Variants in FAR2 observed in about 807,000 individuals in gnomAD.
FAR2 encodes epididymis secretory protein Li 81.
A neutral mutation model predicts 56.0 loss-of-function variants in FAR2; 19 were observed. The ratio of observed to expected loss-of-function variants is 0.34; its 90% CI spans 0.24 to 0.50. FAR2 has a LOEUF of 0.50. Ranked by LOEUF, FAR2 falls within the 20% of genes least tolerant of loss-of-function variation. The pLI, the probability that FAR2 is intolerant of heterozygous loss-of-function variation, is 0.98. For synonymous variants in FAR2, 219 were observed against 218.8 expected (o/e 1.00, Z -0.01); for missense variants, 508 against 642.2 (o/e 0.79, Z 2.26).
intron 1 of FAR2, among the ~76,000 whole-genome samples, chr12:29,172,499 C>T (rs1949897619): frequency 6.6e-6 from 1 of 152,184 alleles, no homozygotes; most frequent in Admixed American, 6.5e-5. Flanking sequence ...TGTCTGAGGG[C>T]CATGACTAAG....
intron 7 of FAR2, 85 bp from the exon 8 acceptor site, chr12:29,311,798 T>C (rs1206628431): frequency 2.1e-6 from 2 of 970,558 alleles, no homozygotes; most frequent in Admixed American, 5.1e-5. Context: ...CTGAAACCAC[T>C]CTGTCTAAAT....
chr12:29,177,856 T>C (rs551738979), intron 1 of FAR2, among the ~76,000 whole-genome samples: 5 of 151,678 alleles, frequency 3.3e-5, no homozygotes, highest in African/African-American at 1.2e-4. Flanking sequence ...ACAAAAAACA[T>C]ACAACAACAA....
intron 1 of FAR2, among the ~76,000 whole-genome samples, chr12:29,169,646 C>T (rs956392705): frequency 6.6e-6 from 1 of 152,222 alleles, no homozygotes; most frequent in African/African-American, 2.4e-5. Flanking sequence ...TAAGAAGGTG[C>T]AGAGTCCTCC....
intron 1 of FAR2, among the ~76,000 whole-genome samples, chr12:29,220,998 C>T (rs1002268952): frequency 6.6e-6 from 1 of 152,036 alleles, no homozygotes; most frequent in Admixed American, 6.6e-5. Flanking sequence ...GGGCTGCCAG[C>T]GCTTGGGAGG....
chr12:29,226,881 A>G (rs769868771), intron 1 of FAR2, among the ~76,000 whole-genome samples: 19 of 152,204 alleles, frequency 1.2e-4, no homozygotes, highest in Middle Eastern at 3.2e-3. Flanking sequence ...TCACCACTGA[A>G]TTCTTTTAGA....
chr12:29,200,554 G>A (rs1280655340), intron 1 of FAR2, among the ~76,000 whole-genome samples: 1 of 152,172 alleles, frequency 6.6e-6, no homozygotes, highest in East Asian at 1.9e-4. Flanking sequence ...GTTCAATCAG[G>A]CTGGTGGGAA....
At chr12:29,283,609 T>C (rs1948821668) in intron 2 of FAR2, among the ~76,000 whole-genome samples, 1 of 152,024 alleles carries the variant, frequency 6.6e-6, no homozygotes, top group Admixed American at 6.5e-5. Flanking sequence ...TTTGACTTAT[T>C]TTTATTAGAA....
In FAR2 at chr12:29,212,217, A is replaced by T. The variant is rs189416853; in HGVS notation, c.-38-58195A>T. ...AGACAACTTAAAGCAAATACTTAAA[A>T]ATCTGGCTTCCACTTCTACCTCTGC... On this transcript the variant is annotated intron_variant, in intron 1 of 11. Coordinates refer to ENST00000536681, the MANE Select transcript of FAR2 (RefSeq NM_001271783.2). 7.2e-4 allele frequency among the ~76,000 whole-genome samples: 110 copies of T among 152,266 alleles called. No individual in the cohort carries two copies. In the South Asian group the frequency reaches 0.016, roughly 22 times the overall value.
chr12:29,267,997 C>A (rs1948546657), intron 1 of FAR2, among the ~76,000 whole-genome samples: 1 of 152,202 alleles, frequency 6.6e-6, no homozygotes, highest in Non-Finnish European at 1.5e-5. Context: ...AGCATAGAGT[C>A]TGGAATGGTA....
chr12:29,239,329 C>A (rs1304825935), intron 1 of FAR2, among the ~76,000 whole-genome samples: 1 of 152,070 alleles, frequency 6.6e-6, no homozygotes, highest in Non-Finnish European at 1.5e-5. Flanking sequence ...AGAGAACTGG[C>A]ATGAGAAAGG....
chr12:29,226,537 A>G (rs1030642945), intron 1 of FAR2, among the ~76,000 whole-genome samples: 1 of 152,224 alleles, frequency 6.6e-6, no homozygotes, highest in African/African-American at 2.4e-5. Context: ...AGTTTCTTTC[A>G]AACTATGGGA....
intron 1 of FAR2, among the ~76,000 whole-genome samples, chr12:29,205,658 C>T (rs1664079326): frequency 6.6e-6 from 1 of 152,104 alleles, no homozygotes; most frequent in South Asian, 2.1e-4. Context: ...AATAATAGTA[C>T]TACCCAAACT....
At chr12:29,283,191 T>C (rs1221938793) in intron 2 of FAR2, among the ~76,000 whole-genome samples, 1 of 152,182 alleles carries the variant, frequency 6.6e-6, no homozygotes, top group Non-Finnish European at 1.5e-5. Flanking sequence ...TTTTATAAAA[T>C]AGTAAATGAC....
intron 1 of FAR2, among the ~76,000 whole-genome samples, chr12:29,154,351 C>G (rs1285437502): frequency 6.6e-6 from 1 of 151,500 alleles, no homozygotes; most frequent in Non-Finnish European, 1.5e-5. Context: ...AAAAGCTTCC[C>G]TGATGATATG....
chr12:29,267,643 C>T (rs1197227412), intron 1 of FAR2, among the ~76,000 whole-genome samples: 2 of 152,176 alleles, frequency 1.3e-5, no homozygotes, highest in Admixed American at 6.5e-5. Context: ...GAGGAAGTCA[C>T]TGGGTGAATT....
At chr12:29,183,735 A>G (rs1310802487) in intron 1 of FAR2, among the ~76,000 whole-genome samples, 1 of 152,238 alleles carries the variant, frequency 6.6e-6, no homozygotes, top group Non-Finnish European at 1.5e-5. Context: ...AAAATGGAGA[A>G]GTAGGACTTT....
chr12:29,293,321 G>A lies in FAR2; in HGVS notation c.211G>A (p.Val71Ile), dbSNP rs754564412. 6 of 1,583,094 alleles carry A rather than the reference G, an allele frequency of 3.8e-6. No homozygotes were observed. The highest frequency in any genetic ancestry group is 4.3e-6 in the Non-Finnish European group (5 of 1,168,262). Reference protein sequence around the residue: ...DSKLFEKVKEVCPNVHEKIRA... With the variant: ...DSKLFEKVKEICPNVHEKIRA... ...TCAGCTATTTGAGAAAGTCAAAGAA[G>A]TTTGTCCAAATGTGCATGAGAAGAT... Residue 71 changes from valine (V) to isoleucine (I), a missense_variant, in exon 3 of 12, where the codon GTT becomes ATT. Transcript: ENST00000536681.
intron 1 of FAR2, among the ~76,000 whole-genome samples, chr12:29,207,226 C>T (rs559558671): frequency 3.9e-5 from 6 of 152,194 alleles, no homozygotes; most frequent in African/African-American, 7.2e-5. Context: ...TGCTTTCCTC[C>T]GTATCATGTA....
Position 29,309,242 on chromosome 12 carries a change from G to A in FAR2, c.768+12G>A. ...GAATCATTATTGCGGTATGTATAAT[G>A]ATGAAGAAATAACTCCCTGAAATGT... On this transcript the variant is annotated intron_variant, in intron 6 of 11. Coordinates refer to ENST00000536681, the MANE Select transcript of FAR2 (RefSeq NM_001271783.2). 1 of 1,586,516 alleles carries A rather than the reference G, an allele frequency of 6.3e-7. No individual in the cohort carries two copies. Among genetic ancestry groups the A allele is most frequent in the Non-Finnish European group, 8.6e-7 (1 of 1,158,204 alleles).
Sources: allele counts gnomAD v4.1 joint callset (sites outside exome capture counted in the v4.1 genomes callset), GRCh38; gene constraint gnomAD v4.1.1; transcripts MANE v1.5; gene names NCBI Gene and HGNC (gene_info 2026-07-23, HGNC 2026-07-21).